Variants in FAT3 observed in about 807,000 individuals in gnomAD.
The protein encoded by FAT3 is FAT atypical cadherin 3.
In FAT3, 95 loss-of-function variants were observed where a neutral mutation model predicts 310.2. The ratio of observed to expected loss-of-function variants is 0.31; its 90% CI spans 0.26 to 0.36. FAT3 has a LOEUF of 0.36. Among genes scored for constraint, FAT3 ranks in the 10% least tolerant of loss-of-function variants. FAT3 has a pLI of 1.00. For missense variants in FAT3, 5,408 were observed against 5,715.6 expected, an observed-to-expected ratio of 0.95 and a Z score of 1.74; for synonymous variants, 2,314 against 2,192.9, an observed-to-expected ratio of 1.06 and a Z score of -1.54.
chr11:92,436,681 G>C (rs1591289499), intron 2 of FAT3, among the ~76,000 whole-genome samples: 1 of 152,076 alleles, frequency 6.6e-6, no homozygotes, highest in South Asian at 2.1e-4. Flanking sequence ...CTAAAGCAAG[G>C]TCTCATCAAG....
At chr11:92,699,660 G>T (rs991778008) in intron 4 of FAT3, among the ~76,000 whole-genome samples, 1 of 152,160 alleles carries the variant, frequency 6.6e-6, no homozygotes, top group African/African-American at 2.4e-5. Context: ...AGATTTTTGA[G>T]CATTTTGGAA....
intron 1 of FAT3, among the ~76,000 whole-genome samples, chr11:92,271,061 G>A (rs1290034151): frequency 6.6e-6 from 1 of 151,996 alleles, no homozygotes; most frequent in African/African-American, 2.4e-5. Context: ...TCTCCCTTGT[G>A]TTCCTGCAGC....
At chr11:92,306,783 T>A (rs1332897252) in intron 1 of FAT3, among the ~76,000 whole-genome samples, 3 of 132,764 alleles carry the variant, frequency 2.3e-5, no homozygotes, top group Non-Finnish European at 4.6e-5. Context: ...TATATATATA[T>A]AAATTATATA....
intron 21 of FAT3, among the ~76,000 whole-genome samples, chr11:92,860,535 C>T (rs2136330697): frequency 6.6e-6 from 1 of 152,318 alleles, no homozygotes; most frequent in East Asian, 1.9e-4. Flanking sequence ...CTATGTCAGC[C>T]TGTTGTAAAT....
rs1304061195 is a variant in FAT3, at chr11:92,893,273, A to G, written c.*2160A>G. 1.3e-5 allele frequency: 2 copies of G among 152,182 alleles called. No homozygotes were observed. Among genetic ancestry groups the G allele is most frequent in the Non-Finnish European group, 2.9e-5 (2 of 68,024 alleles). The allele number at this position is 152,182 out of a possible 1,614,324, so 9.4% of individuals were successfully genotyped here. A position where few individuals can be genotyped will look rare whatever the true frequency, so the allele number is the denominator to read the frequency against. ...CTTGGTCAGACCTACTCATGGAGGT[A>G]TTATCCACACTGTGATCTTGAAATA... On this transcript the variant is annotated 3_prime_UTR_variant, in exon 28 of 28. Transcript: ENST00000525166.
intron 1 of FAT3, among the ~76,000 whole-genome samples, chr11:92,332,809 G>A (rs1354796696): frequency 6.6e-6 from 1 of 152,120 alleles, no homozygotes; most frequent in Non-Finnish European, 1.5e-5. Context: ...ATTCCATAGA[G>A]TTCCTCCATT....
At chr11:92,810,129 G>A in intron 13 of FAT3, 53 bp downstream of exon 13, 6 of 1,509,850 alleles carry the variant, frequency 4.0e-6, no homozygotes, top group South Asian at 1.2e-5. Flanking sequence ...TTGTCTTCAG[G>A]TGCTGCCATT....
Position 92,836,597 on chromosome 11 carries a change from A to G in FAT3, c.10118A>G (p.Asn3373Ser), listed in dbSNP as rs1948415309. The G allele has an allele frequency of 6.2e-7, 1 of 1,613,746 alleles. No homozygotes were observed. Among genetic ancestry groups the G allele is most frequent in the African/African-American group, 1.3e-5 (1 of 74,914 alleles). Residue 3373 changes from asparagine to serine, a missense_variant, in exon 16 of 28, where the codon AAC (asparagine) becomes AGC (serine). Physicochemically the swap from Asn to Ser is conservative, Grantham distance 46. Around this residue, in one of 5 missense-constraint regions of FAT3, gnomAD observed 4,588 missense variants for 4,809.8 expected, o/e 0.95. Coordinates refer to ENST00000525166, the MANE Select transcript of FAT3 (RefSeq NM_001367949.2). The stretch of plus-strand genomic sequence containing the variant: ...GCAGAAGATGTAGACAGCCAGCCCA[A>G]CGGACAGATTCATTTTTCCATTGTG... ...LIAEDVDSQP[N>S]GQIHFSIVNG...
chr11:92,849,270 C>G (rs965288367), intron 19 of FAT3, among the ~76,000 whole-genome samples: 1 of 152,154 alleles, frequency 6.6e-6, no homozygotes, highest in Non-Finnish European at 1.5e-5. Context: ...GAAAGAAACT[C>G]AGAAGTTTCC....
intron 4 of FAT3, among the ~76,000 whole-genome samples, chr11:92,743,240 G>A (rs1042178320): frequency 6.6e-6 from 1 of 152,180 alleles, no homozygotes; most frequent in African/African-American, 2.4e-5. Context: ...CCTCTTTTAA[G>A]GGGAGCACCT....
At chr11:92,590,492 T>C (rs1046056746) in intron 3 of FAT3, among the ~76,000 whole-genome samples, 1 of 152,032 alleles carries the variant, frequency 6.6e-6, no homozygotes, top group Admixed American at 6.6e-5. Context: ...TCTGAGAAAT[T>C]ATGTGAAAGG....
chr11:92,871,622 C>T (rs1455565854), intron 22 of FAT3, among the ~76,000 whole-genome samples: 1 of 152,162 alleles, frequency 6.6e-6, no homozygotes, highest in Non-Finnish European at 1.5e-5. Flanking sequence ...TTGCTATTTA[C>T]TTGCCTCCAG....
chr11:92,699,834 G>A (rs1027577831), intron 4 of FAT3, among the ~76,000 whole-genome samples: 1 of 152,202 alleles, frequency 6.6e-6, no homozygotes, highest in Admixed American at 6.5e-5. Flanking sequence ...GCTTAGTAAA[G>A]TGTGGTTATC....
intron 1 of FAT3, among the ~76,000 whole-genome samples, chr11:92,272,855 A>T (rs972222222): frequency 6.6e-6 from 1 of 152,180 alleles, no homozygotes; most frequent in African/African-American, 2.4e-5. Context: ...GTTGAGCAAA[A>T]TAAAGTATTC....
chr11:92,401,112 A>G (rs1950003376), intron 2 of FAT3, among the ~76,000 whole-genome samples: 2 of 152,156 alleles, frequency 1.3e-5, no homozygotes, highest in South Asian at 4.1e-4. Flanking sequence ...TTTTCTTGAG[A>G]TTTGGTTACC....
chr11:92,691,630 C>T (rs557175099), intron 3 of FAT3, among the ~76,000 whole-genome samples: 164 of 152,266 alleles, frequency 1.1e-3, no homozygotes, highest in African/African-American at 3.7e-3. Context: ...ATCCTCCTGC[C>T]TTGGCCTCTC....
chr11:92,731,904 A>G (rs1173890954), intron 4 of FAT3, among the ~76,000 whole-genome samples: 1 of 152,198 alleles, frequency 6.6e-6, no homozygotes, highest in Non-Finnish European at 1.5e-5. Context: ...CATAATGACA[A>G]CACATAAAAA....
chr11:92,804,913 C>A (rs1052261527), intron 10 of FAT3, among the ~76,000 whole-genome samples: 15 of 152,216 alleles, frequency 9.9e-5, no homozygotes, highest in Admixed American at 9.8e-4. Flanking sequence ...TCATCTCCAG[C>A]TTCTCTAAGT....
At chr11:92,472,083 G>A (rs1565342911) in intron 2 of FAT3, among the ~76,000 whole-genome samples, 2 of 151,774 alleles carry the variant, frequency 1.3e-5, no homozygotes, top group Admixed American at 6.6e-5. Flanking sequence ...ATCAAAAAGT[G>A]TGCATAACAG....
Sources: allele counts gnomAD v4.1 joint callset (sites outside exome capture counted in the v4.1 genomes callset), GRCh38; gene constraint gnomAD v4.1.1; regional missense constraint gnomAD v4.1.1; transcripts MANE v1.5; gene names NCBI Gene and HGNC (gene_info 2026-07-23, HGNC 2026-07-21).